Variants in ALX1 observed in about 807,000 individuals in gnomAD.
ALX1 encodes ALX homeobox protein 1.
ALX1 carries 19 observed loss-of-function variants against 31.7 expected under a neutral mutation model. The observed-to-expected ratio is 0.60, with a 90% CI of 0.42 to 0.88. The LOEUF is 0.88. Ranked by LOEUF, ALX1 falls within the 40% of genes least tolerant of loss-of-function variation. The probability of loss-of-function intolerance (pLI) is 0.00; values close to 1 mark genes in which losing one functional copy is unlikely to be tolerated. For missense variants in ALX1, 415 were observed against 407.8 expected, an observed-to-expected ratio of 1.02 and a Z score of -0.15; for synonymous variants, 153 against 148.8, an observed-to-expected ratio of 1.03 and a Z score of -0.20.
intron 3 of ALX1, among the ~76,000 whole-genome samples, chr12:85,292,055 A>G (rs1443557726): frequency 6.6e-6 from 1 of 151,160 alleles, no homozygotes; most frequent in African/African-American, 2.4e-5. Flanking sequence ...GGCATTGCCT[A>G]GTACAAAACA....
intron 3 of ALX1, among the ~76,000 whole-genome samples, chr12:85,300,825 T>A (rs994373729): frequency 1.3e-5 from 2 of 152,092 alleles, no homozygotes; most frequent in African/African-American, 4.8e-5. Flanking sequence ...TAAACTACTT[T>A]TCTAATCGTA....
At chr12:85,299,419 G>T (rs1201980153) in intron 3 of ALX1, among the ~76,000 whole-genome samples, 1 of 151,082 alleles carries the variant, frequency 6.6e-6, no homozygotes, top group African/African-American at 2.4e-5. Flanking sequence ...CATAGCCTGA[G>T]ACAATTTAAG....
At chr12:85,290,771 T>C (rs1241129870) in intron 3 of ALX1, among the ~76,000 whole-genome samples, 1 of 151,106 alleles carries the variant, frequency 6.6e-6, no homozygotes, top group Non-Finnish European at 1.5e-5. Context: ...GATGAATTTG[T>C]TTCCTCTGTC....
At chr12:85,293,287 T>G (rs1896843455) in intron 3 of ALX1, among the ~76,000 whole-genome samples, 1 of 150,248 alleles carries the variant, frequency 6.7e-6, no homozygotes, top group African/African-American at 2.4e-5. Context: ...ATAAGTTATG[T>G]GTAGCATGAG....
chr12:85,297,346 G>C (rs1593053346), intron 3 of ALX1, among the ~76,000 whole-genome samples: 1 of 151,824 alleles, frequency 6.6e-6, no homozygotes, highest in Non-Finnish European at 1.5e-5. Flanking sequence ...ATGATACAGT[G>C]TCTAGAAACC....
At position 85,301,239 on chromosome 12, in the gene ALX1, A is replaced by G. The variant is rs1896960621; in HGVS notation, c.745A>G (p.Met249Val). 7 of 1,614,062 alleles carry G rather than the reference A, an allele frequency of 4.3e-6. No homozygotes were observed. Among genetic ancestry groups the G allele is most frequent in the East Asian group, 2.2e-5 (1 of 44,878 alleles). Residue 249 changes from methionine to valine, a missense_variant, in exon 4 of 4, where the codon ATG becomes GTG. Transcript: ENST00000316824. ...GTTACCACGTGACACTTCCTCCTGT[A>G]TGACACCTTATTCTCACTCGCCTCG... The part of the protein sequence containing the change: ...CMLPRDTSSC[M>V]TPYSHSPRTD...
chr12:85,298,225 A>G (rs1403306185), intron 3 of ALX1, among the ~76,000 whole-genome samples: 1 of 151,708 alleles, frequency 6.6e-6, no homozygotes, highest in African/African-American at 2.4e-5. Context: ...GAACTATGCA[A>G]TCTTGGGTGA....
Position 85,301,628 on chromosome 12 carries a change from A to G in ALX1, c.*153A>G. 1.2e-6 allele frequency: 1 copy of G among 813,092 alleles called. No individual in the cohort carries two copies. The highest frequency in any genetic ancestry group is 1.9e-6 in the Non-Finnish European group (1 of 520,860). The allele number at this position is 813,092 out of a possible 1,614,324, so 50.4% of individuals were successfully genotyped here. A position where few individuals can be genotyped will look rare whatever the true frequency, so the allele number is the denominator to read the frequency against. ...CTTAAATGAATAGTTGTTATTTAAC[A>G]TTAAAATCTAAGAATGAACCTCTGA... On this transcript the variant is annotated 3_prime_UTR_variant, in exon 4 of 4. Coordinates refer to ENST00000316824, the MANE Select transcript of ALX1 (RefSeq NM_006982.3).
At chr12:85,287,571 G>A (rs1260756957) in intron 3 of ALX1, among the ~76,000 whole-genome samples, 1 of 151,060 alleles carries the variant, frequency 6.6e-6, no homozygotes, top group Non-Finnish European at 1.5e-5. Flanking sequence ...AATCACAGAT[G>A]AGTAACAGCT....
intron 2 of ALX1, among the ~76,000 whole-genome samples, chr12:85,285,064 T>C (rs555196786): frequency 6.6e-6 from 1 of 152,234 alleles, no homozygotes; most frequent in East Asian, 1.9e-4. Flanking sequence ...CAAAGAATTT[T>C]AGAATTGTCG....
intron 2 of ALX1, among the ~76,000 whole-genome samples, chr12:85,286,301 T>C (rs1896746810): frequency 6.6e-6 from 1 of 152,088 alleles, no homozygotes; most frequent in Non-Finnish European, 1.5e-5. Context: ...ATGATGTTCC[T>C]GCTGCTGCCA....
Position 85,280,488 on chromosome 12 carries a change from G to A in ALX1, c.226+1G>A. The A allele has an allele frequency of 1.2e-6, 2 of 1,610,284 alleles. No homozygotes were observed. The highest frequency in any genetic ancestry group is 1.1e-5 in the South Asian group (1 of 90,976). On this transcript the variant is annotated splice_donor_variant, in intron 1 of 3. Coordinates refer to ENST00000316824, the MANE Select transcript of ALX1 (RefSeq NM_006982.3). LOFTEE classifies it high-confidence loss of function. Reference sequence around the variant, plus strand: ...ACCTCGCCCTGTCAGGACAGCAGCGGTGAGTCGCTAGCGCCCCAGCCGGAG... The same window carrying A: ...ACCTCGCCCTGTCAGGACAGCAGCGATGAGTCGCTAGCGCCCCAGCCGGAG...
intron 3 of ALX1, among the ~76,000 whole-genome samples, 178 bp downstream of exon 3, chr12:85,287,159 T>C (rs1259080381): frequency 6.6e-6 from 1 of 151,866 alleles, no homozygotes; most frequent in Admixed American, 6.6e-5. Context: ...TTTCTTGTTG[T>C]TTTCTTACAG....
chr12:85,300,742 T>A (rs1896953463), intron 3 of ALX1, among the ~76,000 whole-genome samples: 1 of 151,972 alleles, frequency 6.6e-6, no homozygotes, highest in Non-Finnish European at 1.5e-5. Context: ...CCAGTTAGAA[T>A]TTTTTTTAAA....
intron 3 of ALX1, among the ~76,000 whole-genome samples, chr12:85,300,490 A>G (rs1044030947): frequency 6.6e-6 from 1 of 152,076 alleles, no homozygotes; most frequent in African/African-American, 2.4e-5. Flanking sequence ...TTTGTTTTAC[A>G]TGTCACATGT....
intron 3 of ALX1, among the ~76,000 whole-genome samples, chr12:85,289,935 A>G (rs2137383937): frequency 6.6e-6 from 1 of 151,250 alleles, no homozygotes; most frequent in Admixed American, 6.6e-5. Flanking sequence ...CCAATATCTC[A>G]GTCTAATAAG....
intron 3 of ALX1, among the ~76,000 whole-genome samples, chr12:85,296,269 A>G (rs898489642): frequency 6.6e-6 from 1 of 151,640 alleles, no homozygotes; most frequent in African/African-American, 2.4e-5. Context: ...AATTTATTAC[A>G]AATATATATC....
chr12:85,284,802 ACTC>A (rs1296108957), intron 2 of ALX1, among the ~76,000 whole-genome samples: 2 of 151,978 alleles, frequency 1.3e-5, no homozygotes, highest in East Asian at 3.9e-4. Flanking sequence ...GTGTGTTCTG[ACTC>A]CTCTACAAAA....
In ALX1 at chr12:85,283,314, T is replaced by C. The variant is rs563398115; in HGVS notation, c.227-258T>C. 1.1e-4 allele frequency among the ~76,000 whole-genome samples: 17 copies of C among 152,302 alleles called. No homozygotes were observed. In the South Asian group the frequency reaches 1.2e-3, roughly 11 times the overall value. On this transcript the variant is annotated intron_variant, in intron 1 of 3. Coordinates refer to ENST00000316824, the MANE Select transcript of ALX1 (RefSeq NM_006982.3). Reference sequence around the variant, plus strand: ...TACATGAATTTAAGTAAAAAACATGTGCATAAACTTATAAATCCTGTAAAA... The same window carrying C: ...TACATGAATTTAAGTAAAAAACATGCGCATAAACTTATAAATCCTGTAAAA...
Sources: gnomAD v4.1 joint callset for allele counts (sites outside exome capture counted in the v4.1 genomes callset) on GRCh38, gnomAD v4.1.1 for gene constraint, MANE v1.5 for transcripts, NCBI Gene and HGNC (gene_info 2026-07-23, HGNC 2026-07-21) for gene names.